Variants in PIK3C3 observed in about 807,000 individuals in gnomAD.
PIK3C3 encodes PI3-kinase type 3.
In PIK3C3, 95 loss-of-function variants were observed where a neutral mutation model predicts 126.1. The observed-to-expected ratio is 0.75, with a 90% CI of 0.64 to 0.89. PIK3C3 has a LOEUF of 0.89. Ranked by LOEUF, PIK3C3 falls within the 40% of genes least tolerant of loss-of-function variation. The probability of loss-of-function intolerance (pLI) is 0.00; values close to 1 mark genes in which losing one functional copy is unlikely to be tolerated. For missense variants in PIK3C3, 829 were observed against 1,063.2 expected, an observed-to-expected ratio of 0.78 and a Z score of 3.06; for synonymous variants, 374 against 360.0, an observed-to-expected ratio of 1.04 and a Z score of -0.44.
In PIK3C3 at chr18:42,081,349, G is replaced by T. The variant is rs1568016633; in HGVS notation, c.*212G>T. 1 of 414,598 alleles carries T rather than the reference G, an allele frequency of 2.4e-6. No homozygotes were observed. The highest frequency in any genetic ancestry group is 4.4e-6 in the Non-Finnish European group (1 of 228,058). The allele number at this position is 414,598 out of a possible 1,614,324, so 25.7% of individuals were successfully genotyped here. On this transcript the variant is annotated 3_prime_UTR_variant, in exon 25 of 25. Coordinates refer to ENST00000262039, the MANE Select transcript of PIK3C3 (RefSeq NM_002647.4). ...CTTGAAGGGCTTGTTTTGAAATATT[G>T]TATATATTTTTTCAAATGTATACAT...
intron 9 of PIK3C3, among the ~76,000 whole-genome samples, chr18:42,002,870 G>A (rs962304471): frequency 6.6e-6 from 1 of 152,204 alleles, no homozygotes; most frequent in African/African-American, 2.4e-5. Context: ...ATATTGCTAG[G>A]AAATAATTGA....
chr18:41,982,632 A>T (rs1981262993), intron 4 of PIK3C3, among the ~76,000 whole-genome samples: 1 of 152,232 alleles, frequency 6.6e-6, no homozygotes, highest in Admixed American at 6.5e-5. Context: ...CAAAGATAAT[A>T]TACATCTTCT....
At chr18:42,077,171 A>G (rs1007497431) in intron 24 of PIK3C3, among the ~76,000 whole-genome samples, 8 of 152,364 alleles carry the variant, frequency 5.3e-5, no homozygotes, top group African/African-American at 1.9e-4. Context: ...TTGCTAAAAA[A>G]TGCTTAACAA....
chr18:42,054,592 T>C (rs1321186930), intron 21 of PIK3C3, among the ~76,000 whole-genome samples: 1 of 152,144 alleles, frequency 6.6e-6, no homozygotes, highest in African/African-American at 2.4e-5. Flanking sequence ...TATCCTGATT[T>C]TCTGTATTAT....
At chr18:42,040,894 C>T (rs1021476841) in intron 19 of PIK3C3, among the ~76,000 whole-genome samples, 153 bp downstream of exon 19, 3 of 152,002 alleles carry the variant, frequency 2.0e-5, no homozygotes. Flanking sequence ...TAAGCATGTT[C>T]GCAGTTGAAG....
intron 4 of PIK3C3, among the ~76,000 whole-genome samples, chr18:41,987,272 G>A (rs1201256960): frequency 6.6e-6 from 1 of 152,022 alleles, no homozygotes; most frequent in Non-Finnish European, 1.5e-5. Context: ...AGACCTCACA[G>A]GACTCTACCA....
At position 42,044,352 on chromosome 18, in the gene PIK3C3, G is replaced by A. The variant is rs199797920; in HGVS notation, c.2188+535G>A. 1.1e-4 allele frequency among the ~76,000 whole-genome samples: 17 copies of A among 151,734 alleles called. No individual in the cohort carries two copies. In the East Asian group the frequency reaches 2.9e-3, roughly 26 times the overall value. On this transcript the variant is annotated intron_variant, in intron 20 of 24. Transcript: ENST00000262039. ...TTCAGGCATTTATGTCTAACTTCAC[G>A]AAGGTTATATTCTACAGGATTTTTT...
At position 41,970,398 on chromosome 18, in the gene PIK3C3, A is replaced by G. The variant is rs1980602437; in HGVS notation, c.473A>G (p.Lys158Arg). ...GAAGCAGATGGATCAGAACCCACAA[A>G]AACTCCTGGCAGAACAAGTAGCACT... Reference protein sequence around the residue: ...NVEADGSEPTKTPGRTSSTLS... With the variant: ...NVEADGSEPTRTPGRTSSTLS... The change falls in exon 4 of 25, where the codon AAA (lysine) becomes AGA (arginine). Residue 158 changes from lysine (K) to arginine (R), a missense_variant. Physicochemically the swap from Lys to Arg is conservative, Grantham distance 26 (BLOSUM62 2). Transcript: ENST00000262039. 5 of 1,613,930 alleles carry G rather than the reference A, an allele frequency of 3.1e-6. No individual in the cohort carries two copies. Among genetic ancestry groups the G allele is most frequent in the Non-Finnish European group, 4.2e-6 (5 of 1,179,852 alleles).
intron 24 of PIK3C3, among the ~76,000 whole-genome samples, chr18:42,074,876 A>G (rs1294295282): frequency 6.6e-6 from 1 of 152,108 alleles, no homozygotes; most frequent in Non-Finnish European, 1.5e-5. Context: ...ACTAGAGAAC[A>G]TGGGATGCTC....
intron 4 of PIK3C3, chr18:41,970,794 T>C: frequency 4.6e-6 from 2 of 432,544 alleles, no homozygotes; most frequent in Non-Finnish European, 8.2e-6. Flanking sequence ...TTACTATCTG[T>C]ATGGATTTGC....
chr18:42,058,060 A>C lies in PIK3C3; in HGVS notation c.2432+9A>C. 6.4e-7 allele frequency: 1 copy of C among 1,569,530 alleles called. No homozygotes were observed. The highest frequency in any genetic ancestry group is 8.6e-7 in the Non-Finnish European group (1 of 1,161,214). On this transcript the variant is annotated intron_variant, in intron 22 of 24. Coordinates refer to ENST00000262039, the MANE Select transcript of PIK3C3 (RefSeq NM_002647.4). The stretch of plus-strand genomic sequence containing the variant: ...TTCCTCCACCTGCGAAGGTAAGTTG[A>C]TTTGCTTGGCACAGAGAATTTGGGT...
intron 24 of PIK3C3, among the ~76,000 whole-genome samples, chr18:42,068,283 C>T (rs139570640): frequency 6.6e-6 from 1 of 152,176 alleles, no homozygotes; most frequent in Non-Finnish European, 1.5e-5. Flanking sequence ...CATTGCCTAA[C>T]AGCGAAGTCA....
intron 21 of PIK3C3, among the ~76,000 whole-genome samples, chr18:42,053,607 C>T (rs1463709448): frequency 6.6e-6 from 1 of 151,818 alleles, no homozygotes; most frequent in African/African-American, 2.4e-5. Context: ...AGATTTTTTC[C>T]CAAGAATCAT....
chr18:41,969,418 C>T (rs1980541817), intron 3 of PIK3C3, among the ~76,000 whole-genome samples: 1 of 152,178 alleles, frequency 6.6e-6, no homozygotes. Flanking sequence ...ATAATTAAAA[C>T]ACATAGTTAT....
At chr18:41,993,232 A>C (rs1392715410) in intron 6 of PIK3C3, 38 bp from the exon 7 acceptor site, 7 of 1,291,180 alleles carry the variant, frequency 5.4e-6, no homozygotes, top group Non-Finnish European at 7.8e-6. Flanking sequence ...TATTGTATTA[A>C]ATTTCTTTTT....
intron 4 of PIK3C3, among the ~76,000 whole-genome samples, chr18:41,977,499 TA>T (rs982165389): frequency 6.6e-6 from 1 of 151,096 alleles, no homozygotes; most frequent in African/African-American, 2.4e-5. Flanking sequence ...GATATATGTG[TA>T]TTTTTTTTTT....
At chr18:41,985,573 T>A (rs1042102231) in intron 4 of PIK3C3, among the ~76,000 whole-genome samples, 1 of 152,204 alleles carries the variant, frequency 6.6e-6, no homozygotes. Context: ...AGTGTGTGTG[T>A]ACTCTAGTTT....
chr18:42,039,564 A>G (rs1270587434), intron 18 of PIK3C3, among the ~76,000 whole-genome samples: 2 of 152,238 alleles, frequency 1.3e-5, no homozygotes, highest in African/African-American at 4.8e-5. Context: ...GGCTTTAGCC[A>G]TACTGGCTAC....
chr18:41,957,210 T>C (rs1979825167), intron 1 of PIK3C3, among the ~76,000 whole-genome samples: 1 of 152,198 alleles, frequency 6.6e-6, no homozygotes, highest in South Asian at 2.1e-4. Context: ...TGTGGTCAAC[T>C]TGAAATGAAG....
Sources: allele counts gnomAD v4.1 joint callset (sites outside exome capture counted in the v4.1 genomes callset), GRCh38; gene constraint gnomAD v4.1.1; transcripts MANE v1.5; gene names NCBI Gene and HGNC (gene_info 2026-07-23, HGNC 2026-07-21).